SNTG1: variants seen among roughly 807,000 people sequenced by gnomAD.
SNTG1 encodes the protein gamma-1-syntrophin.
Under a neutral mutation model 74.7 loss-of-function variants are expected in SNTG1, and 39 were observed. That is an observed-to-expected ratio of 0.52 (90% CI 0.40 to 0.68). SNTG1 has a LOEUF of 0.68. Among genes scored for constraint, SNTG1 ranks in the 30% least tolerant of loss-of-function variants. SNTG1 has a pLI of 0.00. For synonymous variants in SNTG1, 254 were observed against 217.1 expected (o/e 1.17, Z -1.49); for missense variants, 685 against 609.5 (o/e 1.12, Z -1.30).
chr8:50,718,151 A>G (rs2095479257), intron 17 of SNTG1, among the ~76,000 whole-genome samples: 1 of 152,126 alleles, frequency 6.6e-6, no homozygotes, highest in South Asian at 2.1e-4. Flanking sequence ...TTGGAAAAAA[A>G]TACATTTCAC....
intron 1 of SNTG1, among the ~76,000 whole-genome samples, chr8:49,973,443 A>G (rs758583146): frequency 4.6e-5 from 7 of 152,110 alleles, no homozygotes; most frequent in East Asian, 3.9e-4. Flanking sequence ...CAGCACACCA[A>G]CATGGCACAT....
chr8:50,714,476 T>C (rs1232637855), intron 17 of SNTG1, among the ~76,000 whole-genome samples: 2 of 151,894 alleles, frequency 1.3e-5, no homozygotes, highest in African/African-American at 4.8e-5. Flanking sequence ...AGGTCCAAAG[T>C]GATTTATAGA....
chr8:50,082,447 T>C (rs1822497365), intron 1 of SNTG1, among the ~76,000 whole-genome samples: 1 of 152,206 alleles, frequency 6.6e-6, no homozygotes, highest in Non-Finnish European at 1.5e-5. Context: ...CTGGACAAAG[T>C]TTGTGAAGTC....
intron 1 of SNTG1, among the ~76,000 whole-genome samples, chr8:49,924,785 G>A (rs1443522996): frequency 2.6e-5 from 4 of 151,722 alleles, no homozygotes; most frequent in African/African-American, 9.7e-5. Context: ...TGAGAAACAA[G>A]AGAAGAGGCA....
intron 17 of SNTG1, among the ~76,000 whole-genome samples, chr8:50,746,912 C>A (rs2095556381): frequency 6.7e-6 from 1 of 148,436 alleles, no homozygotes; most frequent in Admixed American, 6.8e-5. Context: ...ATTTTCCCTG[C>A]AAAACATCTT....
At chr8:50,781,342 TCTCTTTGTAGGTCA>T (rs1449330162) in intron 18 of SNTG1, among the ~76,000 whole-genome samples, 1 of 152,090 alleles carries the variant, frequency 6.6e-6, no homozygotes, top group African/African-American at 2.4e-5. Flanking sequence ...GGAGTCTAAG[TCTCTTTGTAGGTCA>T]CTCAGGACTT....
intron 2 of SNTG1, among the ~76,000 whole-genome samples, chr8:50,205,108 T>C (rs1235701725): frequency 6.6e-6 from 1 of 152,170 alleles, no homozygotes; most frequent in Non-Finnish European, 1.5e-5. Context: ...CTGGGTCAAA[T>C]GGTATTTCTA....
At chr8:50,410,120 C>A (rs1367708457) in intron 4 of SNTG1, among the ~76,000 whole-genome samples, 2 of 152,156 alleles carry the variant, frequency 1.3e-5, no homozygotes, top group Non-Finnish European at 2.9e-5. Context: ...TACTGGCTTT[C>A]ACATGGGTGT....
At position 50,305,638 on chromosome 8, in the gene SNTG1, A is replaced by G. The variant is rs1005573906; in HGVS notation, c.-27-88574A>G. Among the ~76,000 whole-genome samples the G allele has an allele frequency of 1.3e-4, 20 of 151,582 alleles. 1 individual carries two copies. In the South Asian group the frequency reaches 1.7e-3, roughly 13 times the overall value. ...ATTTTTTCCAATGTGGAATTTCACTATATATGTGTTAGATCACTTTGTCTG... is the reference window on the plus strand; with the variant it reads ...ATTTTTTCCAATGTGGAATTTCACTGTATATGTGTTAGATCACTTTGTCTG... On this transcript the variant is annotated intron_variant, in intron 2 of 18. Transcript: ENST00000642720.
At chr8:50,640,059 G>T (rs762052105) in intron 13 of SNTG1, among the ~76,000 whole-genome samples, 9 of 152,138 alleles carry the variant, frequency 5.9e-5, no homozygotes, top group Non-Finnish European at 1.3e-4. Context: ...AATTGCTTGA[G>T]AAGTTGATTT....
At chr8:50,604,864 A>T (rs1252016218) in intron 13 of SNTG1, among the ~76,000 whole-genome samples, 1 of 152,142 alleles carries the variant, frequency 6.6e-6, no homozygotes, top group Non-Finnish European at 1.5e-5. Context: ...TCTCACCTGA[A>T]GCCAGCATGT....
At chr8:49,979,490 C>T (rs539776477) in intron 1 of SNTG1, among the ~76,000 whole-genome samples, 2 of 152,348 alleles carry the variant, frequency 1.3e-5, no homozygotes, top group Non-Finnish European at 2.9e-5. Flanking sequence ...GTTGCCCCTT[C>T]TGCCCAACCT....
At chr8:50,467,115 T>C (rs935439001) in intron 8 of SNTG1, among the ~76,000 whole-genome samples, 1 of 151,954 alleles carries the variant, frequency 6.6e-6, no homozygotes, top group East Asian at 1.9e-4. Flanking sequence ...ATGAGAAATA[T>C]TGCTCTTAAT....
chr8:50,109,758 T>G (rs2080510416), intron 1 of SNTG1, among the ~76,000 whole-genome samples: 1 of 152,010 alleles, frequency 6.6e-6, no homozygotes, highest in Admixed American at 6.6e-5. Context: ...GAAGGGAAAT[T>G]GAGAACAGAG....
intron 4 of SNTG1, among the ~76,000 whole-genome samples, chr8:50,428,280 A>G (rs1431363003): frequency 6.6e-6 from 1 of 152,196 alleles, no homozygotes; most frequent in African/African-American, 2.4e-5. Flanking sequence ...ACTGCATTCC[A>G]GCCTCGGCAA....
intron 1 of SNTG1, among the ~76,000 whole-genome samples, chr8:50,013,385 T>C (rs1816000348): frequency 6.6e-6 from 1 of 152,136 alleles, no homozygotes; most frequent in African/African-American, 2.4e-5. Flanking sequence ...GCTTGACAAC[T>C]TTCTTTAATT....
chr8:50,064,384 T>C (rs1342406883), intron 1 of SNTG1, among the ~76,000 whole-genome samples: 1 of 152,160 alleles, frequency 6.6e-6, no homozygotes, highest in African/African-American at 2.4e-5. Context: ...AGATCATAAC[T>C]AAACCCATCT....
At chr8:50,636,325 G>T (rs1338066031) in intron 13 of SNTG1, among the ~76,000 whole-genome samples, 3 of 152,002 alleles carry the variant, frequency 2.0e-5, no homozygotes, top group Middle Eastern at 3.4e-3. Flanking sequence ...AAATCCACTG[G>T]CTTTGAGCCC....
At chr8:50,692,036 C>T (rs533178204) in intron 15 of SNTG1, among the ~76,000 whole-genome samples, 2 of 152,262 alleles carry the variant, frequency 1.3e-5, no homozygotes, top group South Asian at 4.1e-4. Flanking sequence ...TCCAGTTGAT[C>T]TCATCAGCTA....
Sources: allele counts gnomAD v4.1 joint callset (sites outside exome capture counted in the v4.1 genomes callset), GRCh38; gene constraint gnomAD v4.1.1; transcripts MANE v1.5; gene names NCBI Gene and HGNC (gene_info 2026-07-23, HGNC 2026-07-21).